IQSEC1: variants seen among roughly 807,000 people sequenced by gnomAD.
The protein encoded by IQSEC1 is IQ motif and SEC7 domain-containing protein 1.
IQSEC1 carries 31 observed loss-of-function variants against 91.0 expected under a neutral mutation model. The ratio of observed to expected loss-of-function variants is 0.34; its 90% CI spans 0.26 to 0.46. The LOEUF (loss-of-function observed/expected upper bound fraction) is 0.46. Ranked by LOEUF, IQSEC1 falls within the 20% of genes least tolerant of loss-of-function variation. The probability of loss-of-function intolerance (pLI) is 1.00; values close to 1 mark genes in which losing one functional copy is unlikely to be tolerated. For missense variants in IQSEC1, 1,388 were observed against 1,575.6 expected (o/e 0.88, Z 2.02); for synonymous variants, 699 against 662.6 (o/e 1.05, Z -0.84).
chr3:12,907,966 A>G (rs1695158927), intron 12 of IQSEC1, among the ~76,000 whole-genome samples: 1 of 152,158 alleles, frequency 6.6e-6, no homozygotes, highest in Non-Finnish European at 1.5e-5. Context: ...GCGCAAGTTC[A>G]TTCATCAGCA....
Position 12,941,665 on chromosome 3 carries a change from G to A in IQSEC1, c.224C>T (p.Ser75Phe). Reference sequence around the variant, plus strand: ...CTCCTCAGCCTGCTTGCGCAGGATGGAGGTCGAGTGCTGCAGCTTGGGCCT... The same window carrying A: ...CTCCTCAGCCTGCTTGCGCAGGATGAAGGTCGAGTGCTGCAGCTTGGGCCT... ...TRRPKLQHST[S>F]ILRKQAEEEA... The change falls in exon 2 of 14, where the codon TCC becomes TTC. Residue 75 changes from serine to phenylalanine, a missense_variant. By Grantham distance (155) the Ser-to-Phe change is radical. Around this residue, in one of 2 missense-constraint regions of IQSEC1, gnomAD observed 1,059 missense variants for 1,317.8 expected, o/e 0.80. Transcript: ENST00000613206. 1.2e-6 allele frequency: 2 copies of A among 1,613,022 alleles called. No homozygotes were observed. Among genetic ancestry groups the A allele is most frequent in the South Asian group, 2.2e-5 (2 of 91,044 alleles).
At chr3:13,241,329 G>A (rs112404501) in intron 1 of IQSEC1, among the ~76,000 whole-genome samples, 2 of 152,290 alleles carry the variant, frequency 1.3e-5, no homozygotes, top group East Asian at 1.9e-4. Context: ...TTCGAAGGAC[G>A]ACCTGGAAAT....
intron 12 of IQSEC1, among the ~76,000 whole-genome samples, chr3:12,905,649 G>A (rs1157936396): frequency 6.6e-6 from 1 of 152,230 alleles, no homozygotes; most frequent in African/African-American, 2.4e-5. Context: ...GCCAGGGCAA[G>A]AGGAAGCACC....
intron 1 of IQSEC1, among the ~76,000 whole-genome samples, chr3:12,980,655 G>C (rs1701406446): frequency 6.6e-6 from 1 of 152,194 alleles, no homozygotes; most frequent in Non-Finnish European, 1.5e-5. Flanking sequence ...TGCACGGGGA[G>C]GGGAGATCAG....
chr3:12,959,299 G>A (rs1700102178), intron 1 of IQSEC1, among the ~76,000 whole-genome samples: 1 of 152,208 alleles, frequency 6.6e-6, no homozygotes, highest in Non-Finnish European at 1.5e-5. Flanking sequence ...GTCCTGGCAA[G>A]GGGAAAGCCA....
rs72658711 is a variant in IQSEC1 at position 13,161,403 on chromosome 3, A to G, written c.302+2701T>C. On this transcript the variant is annotated intron_variant, in intron 2 of 15. Coordinates refer to the IQSEC1 transcript ENST00000648114. Reference sequence around the variant, plus strand: ...CAGAGAGAACTGCAGTCAGGATCCCAGGTTTGGGGACGCAGACCCCGCACG... The same window carrying G: ...CAGAGAGAACTGCAGTCAGGATCCCGGGTTTGGGGACGCAGACCCCGCACG... Among the ~76,000 whole-genome samples, 742 of 152,282 alleles carry G rather than the reference A, an allele frequency of 4.9e-3. 6 individuals are homozygous for G. The highest frequency in any genetic ancestry group is 0.017 in the African/African-American group (689 of 41,542).
chr3:12,914,977 C>T (rs1461537429), intron 8 of IQSEC1, 127 bp downstream of exon 8: 1 of 892,158 alleles, frequency 1.1e-6, no homozygotes, highest in Non-Finnish European at 1.8e-6. Flanking sequence ...ATTCTCAGCA[C>T]CCCAGCAATG....
Position 12,941,793 on chromosome 3 carries a change from G to C in IQSEC1, c.96C>G (p.Pro32=). The change falls in exon 2 of 14, where the codon CCC becomes CCG. Residue 32 remains proline, a synonymous_variant. Transcript: ENST00000613206. Reference sequence around the variant, plus strand: ...GGCTCAGGCTGGAACCGGGCACCAAGGGGCCCTGGGGGTAGGCTGAGGGGC... The same window carrying C: ...GGCTCAGGCTGGAACCGGGCACCAACGGGCCCTGGGGGTAGGCTGAGGGGC... The part of the protein sequence containing the change: ...LDSPSAYPQG[P]LVPGSSLSPD... 1.9e-6 allele frequency: 3 copies of C among 1,611,258 alleles called. No homozygotes were observed. Among genetic ancestry groups the C allele is most frequent in the Non-Finnish European group, 2.5e-6 (3 of 1,179,620 alleles).
chr3:13,179,257 A>G (rs1346729217), intron 1 of IQSEC1, among the ~76,000 whole-genome samples: 2 of 152,216 alleles, frequency 1.3e-5, no homozygotes, highest in Non-Finnish European at 2.9e-5. Flanking sequence ...ACAAATACAA[A>G]ACAAAAACAG....
At chr3:13,142,462 G>A (rs1396126259) in intron 2 of IQSEC1, among the ~76,000 whole-genome samples, 3 of 152,156 alleles carry the variant, frequency 2.0e-5, no homozygotes, top group East Asian at 3.9e-4. Flanking sequence ...GTTGGATCCC[G>A]CACAGGTGGA....
intron 1 of IQSEC1, among the ~76,000 whole-genome samples, chr3:13,219,970 C>T (rs1400395596): frequency 2.0e-5 from 3 of 152,258 alleles, no homozygotes; most frequent in Non-Finnish European, 2.9e-5. Flanking sequence ...AACTCCTCAC[C>T]GGAAACCTGA....
chr3:13,252,340 G>A (rs775009480), intron 1 of IQSEC1, among the ~76,000 whole-genome samples: 4 of 152,124 alleles, frequency 2.6e-5, no homozygotes, highest in Non-Finnish European at 5.9e-5. Flanking sequence ...ACCTGCCCTC[G>A]AGATTCATCC....
intron 2 of IQSEC1, among the ~76,000 whole-genome samples, chr3:13,139,747 A>T (rs996648708): frequency 2.0e-5 from 3 of 152,244 alleles, no homozygotes; most frequent in African/African-American, 7.2e-5. Flanking sequence ...TCAAATGAGC[A>T]GAGTGGAAAC....
At position 12,983,918 on chromosome 3, in the gene IQSEC1, AC is replaced by A. The variant is rs1302265614; in HGVS notation, c.24-42054del. On this transcript the variant is annotated intron_variant, in intron 1 of 13. Transcript: ENST00000613206. The surrounding 1 kb of genome is among the most constrained non-coding windows in gnomAD (Gnocchi z 4.3). The stretch of plus-strand genomic sequence containing the variant: ...ATCCACATGCCTTTAAAAATAAAGC[AC>A]CTACCTTCAAGGGGGCAGGCAGAGA... Among the ~76,000 whole-genome samples the A allele has an allele frequency of 3.9e-5, 6 of 152,266 alleles. No individual in the cohort carries two copies. Among genetic ancestry groups the A allele is most frequent in the African/African-American group, 1.4e-4 (6 of 41,560 alleles).
chr3:13,032,385 G>T (rs1703874632), intron 1 of IQSEC1, among the ~76,000 whole-genome samples: 1 of 152,218 alleles, frequency 6.6e-6, no homozygotes, highest in Non-Finnish European at 1.5e-5. Context: ...GACAGCGCAG[G>T]GCGGCACGGG....
chr3:13,116,687 G>C (rs1166475966), intron 2 of IQSEC1, among the ~76,000 whole-genome samples: 1 of 152,282 alleles, frequency 6.6e-6, no homozygotes, highest in East Asian at 1.9e-4. Flanking sequence ...GATCGTTTGA[G>C]ATCAGGAGTT....
intron 1 of IQSEC1, among the ~76,000 whole-genome samples, chr3:13,229,152 T>C (rs1402908013): frequency 6.6e-6 from 1 of 152,244 alleles, no homozygotes; most frequent in Non-Finnish European, 1.5e-5. Context: ...CATCAAATCC[T>C]GACTGCCTGG....
In IQSEC1 at chr3:12,897,663, G is replaced by A. The variant is rs11541256; in HGVS notation, c.*3320C>T. On this transcript the variant is annotated 3_prime_UTR_variant, in exon 14 of 14. Coordinates refer to ENST00000613206, the MANE Select transcript of IQSEC1 (RefSeq NM_001134382.3). ...AATGTACTCGTTTCTCAGGCAGGAA[G>A]GGTGATGATATTTTACAAGGAGAAC... 0.1 allele frequency: 15,445 copies of A among 152,218 alleles called. 931 individuals carry two copies. The highest frequency in any genetic ancestry group is 0.19 in the South Asian group (933 of 4,828). The allele number at this position is 152,218 out of a possible 1,614,324, so 9.4% of individuals were successfully genotyped here.
chr3:13,224,615 C>T (rs940590248), intron 1 of IQSEC1, among the ~76,000 whole-genome samples: 17 of 152,136 alleles, frequency 1.1e-4, no homozygotes, highest in African/African-American at 3.1e-4. Context: ...TTCGACTTGA[C>T]GTTCAGTGCC....
Sources: gnomAD v4.1 joint callset for allele counts (sites outside exome capture counted in the v4.1 genomes callset) on GRCh38, gnomAD v4.1.1 for gene constraint, gnomAD v4.1.1 regional missense constraint, Gnocchi (gnomAD v3.1) non-coding constraint, MANE v1.5 for transcripts, NCBI Gene and HGNC (gene_info 2026-07-23, HGNC 2026-07-21) for gene names.